The following EPHA5 variants were observed in gnomAD, a reference collection of about 807,000 sequenced individuals.
EPHA5 encodes EPH receptor A5, also known as ephrin type-A receptor 5.
Under a neutral mutation model 105.0 loss-of-function variants are expected in EPHA5, and 60 were observed. The observed-to-expected ratio is 0.57, with a 90% CI of 0.46 to 0.71. The LOEUF (loss-of-function observed/expected upper bound fraction) is 0.71. EPHA5 is among the 30% of genes least tolerant of loss of function. The pLI, the probability that EPHA5 is intolerant of heterozygous loss-of-function variation, is 0.00. For missense variants in EPHA5, 1,218 were observed against 1,274.7 expected, an observed-to-expected ratio of 0.96 and a Z score of 0.68; for synonymous variants, 513 against 449.1, an observed-to-expected ratio of 1.14 and a Z score of -1.80.
chr4:65,379,276 T>C (rs1291963231), intron 8 of EPHA5, among the ~76,000 whole-genome samples: 13 of 150,014 alleles, frequency 8.7e-5, no homozygotes, highest in East Asian at 7.9e-4. Context: ...AGTATGCACA[T>C]ACACACACAC....
intron 16 of EPHA5, chr4:65,330,899 G>C: frequency 9.6e-7 from 1 of 1,038,014 alleles, no homozygotes; most frequent in Non-Finnish European, 1.2e-6. Context: ...GGTCCTTTTA[G>C]TTATCGGTAT....
At chr4:65,532,045 T>G (rs1401026830) in intron 3 of EPHA5, among the ~76,000 whole-genome samples, 2 of 152,170 alleles carry the variant, frequency 1.3e-5, no homozygotes, top group East Asian at 1.9e-4. Context: ...TTATAAAAAC[T>G]ATCTTATTGT....
chr4:65,645,172 T>C (rs917751685), intron 1 of EPHA5, among the ~76,000 whole-genome samples: 5 of 152,132 alleles, frequency 3.3e-5, no homozygotes, highest in Non-Finnish European at 5.9e-5. Context: ...CTTTCCTGAT[T>C]TCCATGGGAA....
At chr4:65,424,177 AAT>A (rs537226230) in intron 5 of EPHA5, among the ~76,000 whole-genome samples, 29 of 152,112 alleles carry the variant, frequency 1.9e-4, no homozygotes, top group African/African-American at 6.5e-4. Flanking sequence ...ACTTATTGAT[AAT>A]GATATAATGT....
chr4:65,419,703 C>CTA (rs1723757600), intron 6 of EPHA5, among the ~76,000 whole-genome samples: 1 of 152,092 alleles, frequency 6.6e-6, no homozygotes, highest in Non-Finnish European at 1.5e-5. Flanking sequence ...CTCATGGTGG[C>CTA]TACATCTCTG....
Position 65,643,445 on chromosome 4 carries a change from A to C in EPHA5, c.182-18T>G, listed in dbSNP as rs2149515063. The C allele has an allele frequency of 6.2e-7, 1 of 1,600,978 alleles. No homozygotes were observed. The highest frequency in any genetic ancestry group is 8.6e-7 in the Non-Finnish European group (1 of 1,168,546). ...TAAATTCACTGAAAAGAAAAGAACA[A>C]AAAACTCAGTGAAATGTATATTATC... On this transcript the variant is annotated intron_variant, in intron 1 of 16. Transcript: ENST00000613740.
intron 6 of EPHA5, among the ~76,000 whole-genome samples, chr4:65,415,789 G>C (rs1030472452): frequency 2.0e-5 from 3 of 151,902 alleles, no homozygotes; most frequent in African/African-American, 7.2e-5. Context: ...ATTGACAAAC[G>C]TGTAATGCTC....
At chr4:65,517,631 T>G in intron 3 of EPHA5, among the ~76,000 whole-genome samples, 1 of 151,976 alleles carries the variant, frequency 6.6e-6, no homozygotes, top group East Asian at 1.9e-4. Flanking sequence ...GAATACTGAA[T>G]AATTTTCATA....
chr4:65,481,258 G>A (rs1242865156), intron 5 of EPHA5, among the ~76,000 whole-genome samples: 2 of 152,138 alleles, frequency 1.3e-5, no homozygotes, highest in African/African-American at 2.4e-5. Context: ...ATAGTGGAAA[G>A]GATGACATAG....
At chr4:65,386,713 A>G (rs1400081923) in intron 8 of EPHA5, among the ~76,000 whole-genome samples, 2 of 152,048 alleles carry the variant, frequency 1.3e-5, no homozygotes, top group Non-Finnish European at 2.9e-5. Flanking sequence ...AAGTAAAAAA[A>G]ACAGAAAACA....
intron 3 of EPHA5, among the ~76,000 whole-genome samples, chr4:65,527,882 C>T (rs886314756): frequency 6.6e-6 from 1 of 151,972 alleles, no homozygotes; most frequent in Non-Finnish European, 1.5e-5. Flanking sequence ...AGTGTTGTTC[C>T]CCTCTACGTG....
chr4:65,341,575 T>C (rs1368471288), intron 14 of EPHA5, among the ~76,000 whole-genome samples: 2 of 149,808 alleles, frequency 1.3e-5, no homozygotes, highest in East Asian at 3.9e-4. Flanking sequence ...ACATATTATA[T>C]ATATTATATT....
At chr4:65,430,919 CTT>C (rs1474224327) in intron 5 of EPHA5, among the ~76,000 whole-genome samples, 1 of 152,056 alleles carries the variant, frequency 6.6e-6, no homozygotes, top group African/African-American at 2.4e-5. Flanking sequence ...AAACAACTGT[CTT>C]TGATAAAAAC....
chr4:65,652,792 A>C (rs1291767183), intron 1 of EPHA5, among the ~76,000 whole-genome samples: 2 of 152,166 alleles, frequency 1.3e-5, no homozygotes, highest in African/African-American at 4.8e-5. Context: ...AACAGACATT[A>C]GGTTTTCCTG....
intron 5 of EPHA5, among the ~76,000 whole-genome samples, chr4:65,428,196 T>C (rs915935485): frequency 6.6e-6 from 1 of 152,080 alleles, no homozygotes; most frequent in East Asian, 1.9e-4. Context: ...AGAATTGCAG[T>C]TATTGAATTA....
In EPHA5 at chr4:65,324,141, C is replaced by T. The variant is rs770291923; in HGVS notation, c.3024G>A (p.Gln1008=). 6.2e-7 allele frequency: 1 copy of T among 1,609,046 alleles called. No homozygotes were observed. The highest frequency in any genetic ancestry group is 1.7e-5 in the Admixed American group (1 of 59,640). Reference sequence around the variant, plus strand: ...ACAATGGCACCATTCCGTTTACCAGCTGCACCTTCATTTCTTGAAGGCTGT... The same window carrying T: ...ACAATGGCACCATTCCGTTTACCAGTTGCACCTTCATTTCTTGAAGGCTGT... The part of the protein sequence containing the change: ...IMNSLQEMKV[Q]LVNGMVPL Residue 1008 remains glutamine (Q), a synonymous_variant, in exon 17 of 17, where the codon CAG becomes CAA. Transcript: ENST00000613740.
At chr4:65,376,744 G>A (rs912288339) in intron 8 of EPHA5, among the ~76,000 whole-genome samples, 5 of 151,836 alleles carry the variant, frequency 3.3e-5, no homozygotes, top group Admixed American at 6.6e-5. Flanking sequence ...CTATAATCTC[G>A]TAACTCCCTA....
At chr4:65,430,786 G>A (rs780632647) in intron 5 of EPHA5, among the ~76,000 whole-genome samples, 4 of 151,920 alleles carry the variant, frequency 2.6e-5, no homozygotes, top group Non-Finnish European at 5.9e-5. Flanking sequence ...ATATGTCATC[G>A]CACATACAAT....
At chr4:65,390,020 AT>A (rs1010668532) in intron 8 of EPHA5, among the ~76,000 whole-genome samples, 1 of 151,994 alleles carries the variant, frequency 6.6e-6, no homozygotes, top group African/African-American at 2.4e-5. Flanking sequence ...CTTTCATTGC[AT>A]TTCAACCTAT....
Sources: allele counts gnomAD v4.1 joint callset (sites outside exome capture counted in the v4.1 genomes callset), GRCh38; gene constraint gnomAD v4.1.1; transcripts MANE v1.5; gene names NCBI Gene and HGNC (gene_info 2026-07-23, HGNC 2026-07-21).